The following MAP3K4 variants were observed in gnomAD, a reference collection of about 807,000 sequenced individuals.
MAP3K4 encodes MAP three kinase 1.
A neutral mutation model predicts 185.6 loss-of-function variants in MAP3K4; 67 were observed. That is an observed-to-expected ratio of 0.36 (90% CI 0.30 to 0.44). The LOEUF is 0.44. MAP3K4 is among the 20% of genes least tolerant of loss of function. The pLI is 1.00. For missense variants in MAP3K4, 1,551 were observed against 1,995.1 expected (o/e 0.78, Z 4.24); for synonymous variants, 702 against 710.4 (o/e 0.99, Z 0.19).
At chr6:160,992,126 C>A in intron 1 of MAP3K4, 43 bp downstream of exon 1, 1 of 1,501,804 alleles carries the variant, frequency 6.7e-7, no homozygotes, top group Non-Finnish European at 8.8e-7. Context: ...GAAAGCGGGG[C>A]GGGTCCTGGC....
chr6:161,010,961 GA>G (rs1781817528), intron 1 of MAP3K4, among the ~76,000 whole-genome samples: 1 of 152,162 alleles, frequency 6.6e-6, no homozygotes, highest in African/African-American at 2.4e-5. Context: ...AGTCACTGAA[GA>G]AAGAACTGTA....
Position 161,064,876 on chromosome 6 carries a change from A to T in MAP3K4, c.1708-5732A>T, listed in dbSNP as rs892177353. Among the ~76,000 whole-genome samples, 1 of 152,184 alleles carries T rather than the reference A, an allele frequency of 6.6e-6. No homozygotes were observed. The highest frequency in any genetic ancestry group is 1.5e-5 in the Non-Finnish European group (1 of 68,034). The stretch of plus-strand genomic sequence containing the variant: ...CAGAGGTCAGGAAGTGCAGACAGGG[A>T]GAGAGGGAGGGACCCATGGGCCAAT... On this transcript the variant is annotated intron_variant, in intron 3 of 26. Transcript: ENST00000392142. This position sits in a 1 kb window ranked among gnomAD's most constrained non-coding sequence, Gnocchi z 4.3.
rs947032177 is a variant in MAP3K4 at position 161,110,588 on chromosome 6, T to C, written c.4396+674T>C. Among the ~76,000 whole-genome samples, 5 of 151,934 alleles carry C rather than the reference T, an allele frequency of 3.3e-5. No individual in the cohort carries two copies. Among genetic ancestry groups the C allele is most frequent in the African/African-American group, 1.2e-4 (5 of 41,346 alleles). Reference sequence around the variant, plus strand: ...GCCTATTTGGCCCTAGGCTGAAGAGTTTCATTCTGTCCTGTAGTCTGAGGC... The same window carrying C: ...GCCTATTTGGCCCTAGGCTGAAGAGCTTCATTCTGTCCTGTAGTCTGAGGC... On this transcript the variant is annotated intron_variant, in intron 23 of 26. Transcript: ENST00000392142. The surrounding 1 kb of genome is among the most constrained non-coding windows in gnomAD (Gnocchi z 4.8).
chr6:160,998,503 A>ATTT (rs534637648), intron 1 of MAP3K4, among the ~76,000 whole-genome samples: 2 of 152,314 alleles, frequency 1.3e-5, no homozygotes, highest in South Asian at 4.1e-4. Flanking sequence ...AGTCCATGTG[A>ATTT]TATAAAGAGA....
rs1250954935 is a variant in MAP3K4 at position 161,106,034 on chromosome 6, G to A, written c.3857-480G>A. Reference sequence around the variant, plus strand: ...TATTTTTTTGTAGAGATGGGGTTTTGCCATTTTGCCCAGTCTGGTCTTGAA... The same window carrying A: ...TATTTTTTTGTAGAGATGGGGTTTTACCATTTTGCCCAGTCTGGTCTTGAA... On this transcript the variant is annotated intron_variant, in intron 19 of 26. Coordinates refer to ENST00000392142, the MANE Select transcript of MAP3K4 (RefSeq NM_005922.4). The surrounding 1 kb of genome is among the most constrained non-coding windows in gnomAD (Gnocchi z 4.9). 6.6e-6 allele frequency among the ~76,000 whole-genome samples: 1 copy of A among 151,838 alleles called. No individual in the cohort carries two copies. Among genetic ancestry groups the A allele is most frequent in the Non-Finnish European group, 1.5e-5 (1 of 67,944 alleles).
In MAP3K4 at chr6:161,066,854, A is replaced by G. The variant is rs538461749; in HGVS notation, c.1708-3754A>G. Reference sequence around the variant, plus strand: ...GAACTAGGGATTGTGCCTTTGGCTCATTGAGCCCGTAAACAAAGTCAGCAG... The same window carrying G: ...GAACTAGGGATTGTGCCTTTGGCTCGTTGAGCCCGTAAACAAAGTCAGCAG... On this transcript the variant is annotated intron_variant, in intron 3 of 26. Transcript: ENST00000392142. Among the ~76,000 whole-genome samples the G allele has an allele frequency of 2.6e-5, 4 of 152,206 alleles. No homozygotes were observed. The South Asian group carries it at 8.3e-4, about 32-fold the overall frequency.
At chr6:161,078,190 T>C (rs1785268597) in intron 5 of MAP3K4, among the ~76,000 whole-genome samples, 1 of 152,066 alleles carries the variant, frequency 6.6e-6, no homozygotes, top group Non-Finnish European at 1.5e-5. Context: ...AGAAGGAAAG[T>C]GAGCTAAGTA....
At chr6:161,029,843 T>G (rs962625239) in intron 1 of MAP3K4, among the ~76,000 whole-genome samples, 1 of 152,092 alleles carries the variant, frequency 6.6e-6, no homozygotes, top group Non-Finnish European at 1.5e-5. Context: ...TATAAGTGTT[T>G]TGTTTGTTTG....
chr6:161,100,747 AT>A lies in MAP3K4; in HGVS notation c.3675-1143del, dbSNP rs58569969. Among the ~76,000 whole-genome samples the A allele has an allele frequency of 0.022, 3,418 of 152,254 alleles. 108 individuals carry two copies. Among genetic ancestry groups the A allele is most frequent in the African/African-American group, 0.074 (3,090 of 41,544 alleles). ...GTCTCACTTGTGGGAAATCGGAAAA[AT>A]TAGAGGTGTTTAGTGACTTCTTGGT... is the stretch of plus-strand genomic sequence containing the variant. On this transcript the variant is annotated intron_variant, in intron 17 of 26. Transcript: ENST00000392142. This position sits in a 1 kb window ranked among gnomAD's most constrained non-coding sequence, Gnocchi z 5.8.
intron 1 of MAP3K4, among the ~76,000 whole-genome samples, chr6:161,029,637 G>A (rs1178607854): frequency 6.6e-6 from 1 of 152,218 alleles, no homozygotes; most frequent in East Asian, 1.9e-4. Context: ...TTTCAGGGCA[G>A]CTGATGTAGA....
At chr6:161,003,790 TG>T (rs1308139616) in intron 1 of MAP3K4, among the ~76,000 whole-genome samples, 1 of 152,198 alleles carries the variant, frequency 6.6e-6, no homozygotes, top group Non-Finnish European at 1.5e-5. Context: ...TAAGGATATT[TG>T]GTTGTTTCTT....
rs961205360 is a variant in MAP3K4 at position 161,116,950 on chromosome 6, C to G, written c.*80C>G. On this transcript the variant is annotated 3_prime_UTR_variant, in exon 27 of 27. Coordinates refer to ENST00000392142, the MANE Select transcript of MAP3K4 (RefSeq NM_005922.4). The surrounding 1 kb of genome is among the most constrained non-coding windows in gnomAD (Gnocchi z 6.2). ...TTTACATAAAGACTGTGCTGAGAAGCAGTATAAGCCTTTTTAACCTTCCAA... is the reference window on the plus strand; with the variant it reads ...TTTACATAAAGACTGTGCTGAGAAGGAGTATAAGCCTTTTTAACCTTCCAA... 2 of 1,342,474 alleles carry G rather than the reference C, an allele frequency of 1.5e-6. No homozygotes were observed. The highest frequency in any genetic ancestry group is 2.9e-5 in the African/African-American group (2 of 69,192). The allele number at this position is 1,342,474 out of a possible 1,614,324, so 83.2% of individuals were successfully genotyped here. A position where few individuals can be genotyped will look rare whatever the true frequency, so the allele number is the denominator to read the frequency against.
chr6:161,070,326 A>C lies in MAP3K4; in HGVS notation c.1708-282A>C, dbSNP rs527681235. ...TTTTAAGTGTGAGGCAAAAATGTTA[A>C]AGATGAACCTGATTCTTTTTCTAAT... On this transcript the variant is annotated intron_variant, in intron 3 of 26. Coordinates refer to ENST00000392142, the MANE Select transcript of MAP3K4 (RefSeq NM_005922.4). This position sits in a 1 kb window ranked among gnomAD's most constrained non-coding sequence, Gnocchi z 4.5. 5.3e-5 allele frequency among the ~76,000 whole-genome samples: 8 copies of C among 152,352 alleles called. No individual in the cohort carries two copies. The highest frequency in any genetic ancestry group is 1.9e-4 in the African/African-American group (8 of 41,576).
At chr6:161,102,826 ACG>A in intron 19 of MAP3K4, 47 bp downstream of exon 19, 1 of 1,141,280 alleles carries the variant, frequency 8.8e-7, no homozygotes, top group Non-Finnish European at 1.2e-6. Flanking sequence ...AAAAAAAAAC[ACG>A]ATTACACATA....
intron 1 of MAP3K4, among the ~76,000 whole-genome samples, chr6:161,016,272 T>C (rs1782107063): frequency 1.3e-5 from 2 of 152,312 alleles, no homozygotes; most frequent in South Asian, 4.1e-4. Context: ...AGATACATGA[T>C]TTGCAAATAT....
intron 23 of MAP3K4, among the ~76,000 whole-genome samples, chr6:161,111,129 C>G (rs1056162009): frequency 1.3e-5 from 2 of 152,184 alleles, no homozygotes; most frequent in African/African-American, 4.8e-5. Flanking sequence ...TATGAGGATT[C>G]GCTGTTGACC....
At position 161,112,630 on chromosome 6, in the gene MAP3K4, A is replaced by G. The variant is rs779873114; in HGVS notation, c.4520-38A>G. On this transcript the variant is annotated intron_variant, in intron 24 of 26. Coordinates refer to ENST00000392142, the MANE Select transcript of MAP3K4 (RefSeq NM_005922.4). This position sits in a 1 kb window ranked among gnomAD's most constrained non-coding sequence, Gnocchi z 5.1. ...TCTATTAATACATGTTGATGTGTTT[A>G]TAACCCATTACTCTCAACATATCTG... is the stretch of plus-strand genomic sequence containing the variant. 2.2e-6 allele frequency: 3 copies of G among 1,340,270 alleles called. No homozygotes were observed. The highest frequency in any genetic ancestry group is 1.6e-5 in the South Asian group (1 of 61,972). The allele number at this position is 1,340,270 out of a possible 1,614,324, so 83.0% of individuals were successfully genotyped here.
Position 161,086,380 on chromosome 6 carries a change from A to G in MAP3K4, c.2374A>G (p.Arg792Gly). 6.3e-7 allele frequency: 1 copy of G among 1,599,458 alleles called. No homozygotes were observed. Among genetic ancestry groups the G allele is most frequent in the Non-Finnish European group, 8.5e-7 (1 of 1,169,714 alleles). Reference protein sequence around the residue: ...DDSSASDEIRRSVIEISRALK... With the variant: ...DDSSASDEIRGSVIEISRALK... ...ACTGGACTTGAATCCACTTGGCAGG[A>G]GGTCTGTTATAGAGATCAGTCGAGC... Residue 792 changes from arginine to glycine, a missense_variant and splice_region_variant, in exon 8 of 27, where the codon AGG becomes GGG. Transcript: ENST00000392142. The surrounding 1 kb of genome is among the most constrained non-coding windows in gnomAD (Gnocchi z 4.8).
rs769665030 is a variant in MAP3K4 at position 161,037,714 on chromosome 6, G to A, written c.343+3265G>A. 6.6e-6 allele frequency among the ~76,000 whole-genome samples: 1 copy of A among 151,918 alleles called. No homozygotes were observed. The highest frequency in any genetic ancestry group is 1.5e-5 in the Non-Finnish European group (1 of 67,970). Reference sequence around the variant, plus strand: ...ATTATAGGCACGAGCAACCATGACCGGTTGTAAAGTCAGGATTTCTTCCCA... The same window carrying A: ...ATTATAGGCACGAGCAACCATGACCAGTTGTAAAGTCAGGATTTCTTCCCA... On this transcript the variant is annotated intron_variant, in intron 2 of 26. Transcript: ENST00000392142. The surrounding 1 kb of genome is among the most constrained non-coding windows in gnomAD (Gnocchi z 4.2).
Sources: allele counts gnomAD v4.1 joint callset (sites outside exome capture counted in the v4.1 genomes callset), GRCh38; gene constraint gnomAD v4.1.1; non-coding constraint Gnocchi (gnomAD v3.1); transcripts MANE v1.5; gene names NCBI Gene and HGNC (gene_info 2026-07-23, HGNC 2026-07-21).